MED13L: variants seen among roughly 807,000 people sequenced by gnomAD.
MED13L encodes mediator complex subunit 13L.
A neutral mutation model predicts 220.9 loss-of-function variants in MED13L; 7 were observed. The observed-to-expected ratio is 0.03, with a 90% confidence interval of 0.02 to 0.06. The LOEUF (loss-of-function observed/expected upper bound fraction) is 0.06. Among genes scored for constraint, MED13L ranks in the 10% least tolerant of loss-of-function variants. MED13L has a pLI of 1.00. For missense variants in MED13L, 1,965 were observed against 2,760.5 expected (o/e 0.71, Z 6.46); for synonymous variants, 1,011 against 1,015.2 (o/e 1.00, Z 0.08).
rs910471625 is a variant in MED13L, at chr12:115,960,604, G to C, written c.*662C>G. Reference sequence around the variant, plus strand: ...GAATTGGGTTTCAGCTACTGTACCTGGTCCTTGTGAATTAAAAAAATAAAG... The same window carrying C: ...GAATTGGGTTTCAGCTACTGTACCTCGTCCTTGTGAATTAAAAAAATAAAG... On this transcript the variant is annotated 3_prime_UTR_variant, in exon 31 of 31. Coordinates refer to ENST00000281928, the MANE Select transcript of MED13L (RefSeq NM_015335.5). 1.3e-5 allele frequency: 2 copies of C among 157,300 alleles called. No individual in the cohort carries two copies. Among genetic ancestry groups the C allele is most frequent in the African/African-American group, 4.8e-5 (2 of 41,386 alleles). 9.7% of individuals were successfully genotyped at this position (157,300 alleles called of 1,614,324 possible). A position where few individuals can be genotyped will look rare whatever the true frequency, so the allele number is the denominator to read the frequency against.
intron 2 of MED13L, among the ~76,000 whole-genome samples, chr12:116,115,043 T>C (rs1007716800): frequency 5.3e-5 from 8 of 152,150 alleles, no homozygotes; most frequent in Non-Finnish European, 7.3e-5. Context: ...GGATGTTTTA[T>C]AGAAATAGCT....
chr12:116,230,936 T>C (rs939667503), intron 2 of MED13L, among the ~76,000 whole-genome samples: 1 of 152,368 alleles, frequency 6.6e-6, no homozygotes, highest in South Asian at 2.1e-4. Context: ...GAAAATTCAA[T>C]GTCAACACTT....
chr12:116,250,982 T>C (rs1871500258), intron 1 of MED13L, among the ~76,000 whole-genome samples: 1 of 151,548 alleles, frequency 6.6e-6, no homozygotes, highest in South Asian at 2.1e-4. Flanking sequence ...TTAATATTAT[T>C]TGAAGGTAAG....
chr12:116,163,691 C>T (rs1457611971), intron 2 of MED13L, among the ~76,000 whole-genome samples: 3 of 152,114 alleles, frequency 2.0e-5, no homozygotes, highest in African/African-American at 4.8e-5. Flanking sequence ...AGGGTATTTA[C>T]AAAAATTCAT....
intron 4 of MED13L, among the ~76,000 whole-genome samples, chr12:116,063,452 A>T (rs1869669838): frequency 6.6e-6 from 1 of 152,222 alleles, no homozygotes; most frequent in South Asian, 2.1e-4. Context: ...CAGGAGATCC[A>T]GGCTACAGTG....
intron 25 of MED13L, among the ~76,000 whole-genome samples, chr12:115,973,217 G>A (rs777686741): frequency 5.5e-4 from 84 of 152,118 alleles, no homozygotes; most frequent in Admixed American, 1.2e-3. Context: ...AACCAAGTAC[G>A]AAAGAAAAGG....
At chr12:116,072,521 G>C (rs528467781) in intron 4 of MED13L, among the ~76,000 whole-genome samples, 1 of 152,084 alleles carries the variant, frequency 6.6e-6, no homozygotes, top group Admixed American at 6.5e-5. Context: ...GCGCAATCTC[G>C]GCTCACTGCA....
intron 4 of MED13L, among the ~76,000 whole-genome samples, chr12:116,080,110 C>T (rs184978104): frequency 7.9e-5 from 12 of 151,790 alleles, no homozygotes; most frequent in Admixed American, 5.9e-4. Flanking sequence ...CCAATATGGC[C>T]CAGGGAAGCC....
rs550173030 is a variant in MED13L at position 116,172,590 on chromosome 12, C to T, written c.311-61078G>A. The stretch of plus-strand genomic sequence containing the variant: ...TCGGGAATGCTAACAGCATGTACCT[C>T]CAGGCAACACAGCATAGTGAAAAGT... On this transcript the variant is annotated intron_variant, in intron 2 of 30. Transcript: ENST00000281928. Among the ~76,000 whole-genome samples, 4 of 152,296 alleles carry T rather than the reference C, an allele frequency of 2.6e-5. No individual in the cohort carries two copies. In the East Asian group the frequency reaches 7.7e-4, roughly 29 times the overall value.
intron 4 of MED13L, among the ~76,000 whole-genome samples, chr12:116,047,121 G>A (rs755768816): frequency 2.2e-4 from 34 of 152,324 alleles, no homozygotes; most frequent in Non-Finnish European, 4.6e-4. Flanking sequence ...ACACCAAAGC[G>A]GGGAGATTGC....
At chr12:116,223,375 T>C (rs564869269) in intron 2 of MED13L, among the ~76,000 whole-genome samples, 1 of 152,326 alleles carries the variant, frequency 6.6e-6, no homozygotes, top group African/African-American at 2.4e-5. Context: ...AAAAACTTTT[T>C]AAATTTCCAT....
At chr12:116,080,943 T>A (rs895579575) in intron 4 of MED13L, among the ~76,000 whole-genome samples, 1 of 152,220 alleles carries the variant, frequency 6.6e-6, no homozygotes, top group African/African-American at 2.4e-5. Context: ...AATACGAAGG[T>A]ATTCCTAGGG....
chr12:116,206,969 G>A (rs1470943783), intron 2 of MED13L, among the ~76,000 whole-genome samples: 1 of 151,946 alleles, frequency 6.6e-6, no homozygotes, highest in Non-Finnish European at 1.5e-5. Context: ...ACCACAGAGA[G>A]GAATTATTCT....
Position 115,970,941 on chromosome 12 carries a change from T to C in MED13L, c.5891-171A>G, listed in dbSNP as rs16946502. On this transcript the variant is annotated intron_variant, in intron 26 of 30. Coordinates refer to ENST00000281928, the MANE Select transcript of MED13L (RefSeq NM_015335.5). ...TTCAAAGAAACTGACTCAGAGCACATAGCTGTCTATAATAACCCAAGTTTC... is the reference window on the plus strand; with the variant it reads ...TTCAAAGAAACTGACTCAGAGCACACAGCTGTCTATAATAACCCAAGTTTC... 6.0e-3 allele frequency among the ~76,000 whole-genome samples: 912 copies of C among 152,304 alleles called. 12 individuals are homozygous for C. Among genetic ancestry groups the C allele is most frequent in the African/African-American group, 0.021 (856 of 41,568 alleles).
At chr12:116,091,673 T>C (rs1007448524) in intron 4 of MED13L, among the ~76,000 whole-genome samples, 86 of 152,350 alleles carry the variant, frequency 5.6e-4, no homozygotes, top group African/African-American at 2.0e-3. Flanking sequence ...TCAACTCCCA[T>C]TTATAATGCA....
intron 2 of MED13L, among the ~76,000 whole-genome samples, chr12:116,234,200 G>C (rs1047689368): frequency 7.3e-5 from 11 of 151,592 alleles, no homozygotes; most frequent in African/African-American, 1.9e-4. Flanking sequence ...ATTTAAGCCA[G>C]CTAACAGGAT....
chr12:116,188,612 C>T (rs913042126), intron 2 of MED13L, among the ~76,000 whole-genome samples: 6 of 152,174 alleles, frequency 3.9e-5, no homozygotes, highest in Non-Finnish European at 8.8e-5. Flanking sequence ...CCAATGCTAA[C>T]TCTTCCAAAA....
chr12:116,135,431 T>C (rs1436849171), intron 2 of MED13L, among the ~76,000 whole-genome samples: 1 of 152,196 alleles, frequency 6.6e-6, no homozygotes, highest in East Asian at 1.9e-4. Context: ...CTCCAGATGA[T>C]CTTGGCACCC....
At chr12:116,201,057 T>C (rs963897016) in intron 2 of MED13L, among the ~76,000 whole-genome samples, 3 of 152,110 alleles carry the variant, frequency 2.0e-5, no homozygotes, top group Admixed American at 6.5e-5. Flanking sequence ...AAATTCCAGA[T>C]TGTAAAAGAA....
Sources: allele counts gnomAD v4.1 joint callset (sites outside exome capture counted in the v4.1 genomes callset), GRCh38; gene constraint gnomAD v4.1.1; transcripts MANE v1.5; gene names NCBI Gene and HGNC (gene_info 2026-07-23, HGNC 2026-07-21).